Variants in PCDHA7 observed in about 807,000 individuals in gnomAD.
PCDHA7 encodes the protein protocadherin alpha 7, also known as protocadherin alpha-7.
In PCDHA7, 37 loss-of-function variants were observed where a neutral mutation model predicts 57.2. That is an observed-to-expected ratio of 0.65 (90% CI 0.50 to 0.85). The LOEUF is 0.85. PCDHA7 is among the 40% of genes least tolerant of loss of function. The pLI, the probability that PCDHA7 is intolerant of heterozygous loss-of-function variation, is 0.00. For missense variants in PCDHA7, 1,188 were observed against 1,241.8 expected (o/e 0.96, Z 0.65); for synonymous variants, 553 against 558.8 (o/e 0.99, Z 0.15).
intron 1 of PCDHA7, among the ~76,000 whole-genome samples, chr5:140,973,030 C>G (rs1274875201): frequency 1.3e-5 from 2 of 152,014 alleles, no homozygotes; most frequent in African/African-American, 4.8e-5. Context: ...TAATGAGTCA[C>G]TTTGAGTACT....
At chr5:140,874,058 T>C (rs1454224127) in intron 1 of PCDHA7, among the ~76,000 whole-genome samples, 1 of 152,234 alleles carries the variant, frequency 6.6e-6, no homozygotes, top group African/African-American at 2.4e-5. Context: ...TTAGACAATT[T>C]AAATAATTAG....
chr5:140,835,461 C>A lies in PCDHA7; in HGVS notation c.1078C>A (p.Pro360Thr). 1 of 1,613,936 alleles carries A rather than the reference C, an allele frequency of 6.2e-7. No individual in the cohort carries two copies. Among genetic ancestry groups the A allele is most frequent in the Non-Finnish European group, 8.5e-7 (1 of 1,179,882 alleles). The change falls in exon 1 of 4, where the codon CCA becomes ACA. Residue 360 changes from proline (P) to threonine (T), a missense_variant. Physicochemically the swap from Pro to Thr is conservative, Grantham distance 38 (BLOSUM62 -1). Around this residue, in one of 3 missense-constraint regions of PCDHA7, gnomAD observed 892 missense variants for 788.5 expected, o/e 1.13. Transcript: ENST00000525929. ...TCTCACTTCCCTGTCTCTCCCTATT[C>A]CAGAGGACGCCCAACCAGGTACCGT... ...LTLTSLSLPI[P>T]EDAQPGTVIT...
chr5:141,008,072 T>G (rs1419103459), intron 3 of PCDHA7, among the ~76,000 whole-genome samples: 3 of 152,154 alleles, frequency 2.0e-5, no homozygotes, highest in African/African-American at 7.2e-5. Context: ...TAAGAACTTA[T>G]TGGGGTTATT....
intron 1 of PCDHA7, among the ~76,000 whole-genome samples, chr5:140,846,420 G>A (rs1780468336): frequency 7.9e-6 from 1 of 125,998 alleles, no homozygotes; most frequent in African/African-American, 3.0e-5. Context: ...TATCTCCCAG[G>A]CTGGAATGCA....
chr5:140,889,265 A>G (rs900785254), intron 1 of PCDHA7, among the ~76,000 whole-genome samples: 7 of 151,968 alleles, frequency 4.6e-5, no homozygotes, highest in African/African-American at 2.4e-5. Context: ...AAAAGTTTGT[A>G]TAATCTTTGA....
intron 3 of PCDHA7, among the ~76,000 whole-genome samples, chr5:141,005,862 G>A (rs376850991): frequency 6.6e-6 from 1 of 152,012 alleles, no homozygotes; most frequent in Non-Finnish European, 1.5e-5. Flanking sequence ...CAGGAGGGTC[G>A]ATTGAGTCCA....
At chr5:140,968,345 G>A in intron 1 of PCDHA7, 2 of 1,614,132 alleles carry the variant, frequency 1.2e-6, no homozygotes, top group Non-Finnish European at 8.5e-7. Flanking sequence ...CATTAACAGT[G>A]CCAGTGGCAG....
Position 140,928,140 on chromosome 5 carries a change from G to GGCC in PCDHA7, c.2356-50808_2356-50806dup. 3 of 1,614,154 alleles carry GGCC rather than the reference G, an allele frequency of 1.9e-6. No homozygotes were observed. The South Asian group carries it at 3.3e-5, about 18-fold the overall frequency. On this transcript the variant is annotated intron_variant, in intron 1 of 3. Transcript: ENST00000525929. ...TCAGTGAATACCAAGTCCTGATCAC[G>GGCC]GCCTCAGATAGTGGCTCACCCCCAC...
chr5:140,839,078 C>T (rs1776029855), intron 1 of PCDHA7, among the ~76,000 whole-genome samples: 1 of 151,898 alleles, frequency 6.6e-6, no homozygotes, highest in African/African-American at 2.4e-5. Flanking sequence ...AAGTCAAAAA[C>T]CTGTCTGATA....
chr5:140,882,942 C>T (rs2059373370), intron 1 of PCDHA7: 1 of 1,614,224 alleles, frequency 6.2e-7, no homozygotes. Flanking sequence ...CTGACTGGCA[C>T]AGTTCAGCTG....
intron 1 of PCDHA7, chr5:140,858,468 G>A: frequency 6.6e-7 from 1 of 1,521,202 alleles, no homozygotes; most frequent in East Asian, 2.4e-5. Context: ...TTCCTTTTGT[G>A]CTTTATGAAT....
chr5:140,917,817 T>C (rs2078372214), intron 1 of PCDHA7, among the ~76,000 whole-genome samples: 1 of 152,162 alleles, frequency 6.6e-6, no homozygotes, highest in Non-Finnish European at 1.5e-5. Flanking sequence ...TAGTTGAAGT[T>C]GGGTAGTGTG....
chr5:140,987,850 A>G lies in PCDHA7; in HGVS notation c.2503+5287A>G, dbSNP rs115051779. Among the ~76,000 whole-genome samples, 1,266 of 152,242 alleles carry G rather than the reference A, an allele frequency of 8.3e-3. 21 individuals are homozygous for G. Among genetic ancestry groups the G allele is most frequent in the African/African-American group, 0.028 (1,145 of 41,532 alleles). On this transcript the variant is annotated intron_variant, in intron 3 of 3. Coordinates refer to ENST00000525929, the MANE Select transcript of PCDHA7 (RefSeq NM_018910.3). ...GGGATTGCTTTTGCCCTGATTTGCCACATCTCTTTACTCTGTGGAAAATGG... is the reference window on the plus strand; with the variant it reads ...GGGATTGCTTTTGCCCTGATTTGCCGCATCTCTTTACTCTGTGGAAAATGG...
At chr5:140,978,597 A>G (rs897045455) in intron 1 of PCDHA7, among the ~76,000 whole-genome samples, 1 of 152,234 alleles carries the variant, frequency 6.6e-6, no homozygotes, top group Non-Finnish European at 1.5e-5. Flanking sequence ...TTAATGGGGC[A>G]CTTGAGGGCA....
chr5:140,877,411 C>T (rs781874450), intron 1 of PCDHA7: 75 of 1,613,818 alleles, frequency 4.6e-5, no homozygotes, highest in Non-Finnish European at 6.0e-5. Context: ...GCGCCACCGC[C>T]TGCTGGTGCT....
At chr5:140,841,821 T>A in intron 1 of PCDHA7, 1 of 1,613,940 alleles carries the variant, frequency 6.2e-7, no homozygotes. Flanking sequence ...GCTAACTCCG[T>A]GTTAACCTAC....
chr5:140,932,125 A>G (rs1272736604), intron 1 of PCDHA7, among the ~76,000 whole-genome samples: 1 of 151,932 alleles, frequency 6.6e-6, no homozygotes, highest in African/African-American at 2.4e-5. Context: ...ATAATATTTA[A>G]GATATAAACA....
chr5:140,899,267 G>C lies in PCDHA7; in HGVS notation c.2355+62529G>C, dbSNP rs1397421903. Among the ~76,000 whole-genome samples, 367 of 152,064 alleles carry C rather than the reference G, an allele frequency of 2.4e-3. 2 individuals carry two copies. The highest frequency in any genetic ancestry group is 8.5e-3 in the African/African-American group (354 of 41,454). On this transcript the variant is annotated intron_variant, in intron 1 of 3. Coordinates refer to ENST00000525929, the MANE Select transcript of PCDHA7 (RefSeq NM_018910.3). ...TGAGAGAGGGCATCCCTGTCTTGTGGCAGTTTTCAAAGGGAATACTTCCAG... is the reference window on the plus strand; with the variant it reads ...TGAGAGAGGGCATCCCTGTCTTGTGCCAGTTTTCAAAGGGAATACTTCCAG...
At chr5:140,898,573 T>C (rs1161265188) in intron 1 of PCDHA7, among the ~76,000 whole-genome samples, 3 of 152,250 alleles carry the variant, frequency 2.0e-5, no homozygotes, top group Non-Finnish European at 4.4e-5. Flanking sequence ...ACCAGTGCCA[T>C]GCTGTTTTGG....
Sources: gnomAD v4.1 joint callset for allele counts (sites outside exome capture counted in the v4.1 genomes callset) on GRCh38, gnomAD v4.1.1 for gene constraint, gnomAD v4.1.1 regional missense constraint, MANE v1.5 for transcripts, NCBI Gene and HGNC (gene_info 2026-07-23, HGNC 2026-07-21) for gene names.